The following NEK4 variants were observed in gnomAD, a reference collection of about 807,000 sequenced individuals.
NEK4 encodes NIMA related kinase 4.
Under a neutral mutation model 98.4 loss-of-function variants are expected in NEK4, and 86 were observed. That is an observed-to-expected ratio of 0.87 (90% CI 0.73 to 1.05). NEK4 has a LOEUF of 1.05. NEK4 is among the 50% of genes least tolerant of loss of function. NEK4 has a pLI of 0.00. For synonymous variants in NEK4, 328 were observed against 342.2 expected (o/e 0.96, Z 0.46); for missense variants, 898 against 950.3 (o/e 0.94, Z 0.72).
At chr3:52,754,767 G>C (rs1388637470) in intron 6 of NEK4, 2 of 366,486 alleles carry the variant, frequency 5.5e-6, no homozygotes, top group Admixed American at 7.3e-5. Context: ...CAATGGCAAT[G>C]GACAGCTTGA....
At chr3:52,716,496 CA>C (rs1367724812) in intron 15 of NEK4, among the ~76,000 whole-genome samples, 1 of 152,196 alleles carries the variant, frequency 6.6e-6, no homozygotes, top group Non-Finnish European at 1.5e-5. Flanking sequence ...GTTAACCAAT[CA>C]GCTTATTTTT....
chr3:52,756,319 G>A (rs990404672), intron 6 of NEK4, among the ~76,000 whole-genome samples: 8 of 152,284 alleles, frequency 5.3e-5, no homozygotes, highest in African/African-American at 1.9e-4. Context: ...AATAGAGATG[G>A]AGGACTCATG....
At chr3:52,723,637 G>C (rs72960237) in intron 15 of NEK4, among the ~76,000 whole-genome samples, 2 of 152,000 alleles carry the variant, frequency 1.3e-5, no homozygotes, top group Non-Finnish European at 2.9e-5. Flanking sequence ...CTTGAAGATA[G>C]GATAATTAAA....
intron 6 of NEK4, chr3:52,754,532 T>C (rs2097411305): frequency 7.5e-7 from 1 of 1,326,496 alleles, no homozygotes; most frequent in Non-Finnish European, 1.1e-6. Flanking sequence ...CAATTAGCTT[T>C]TCTCCATGGA....
At chr3:52,747,019 G>T in intron 8 of NEK4, 115 bp from the exon 9 acceptor site, 1 of 769,632 alleles carries the variant, frequency 1.3e-6, no homozygotes, top group Non-Finnish European at 2.1e-6. Flanking sequence ...ACTTTCCTCA[G>T]TTTTAAAAAC....
At chr3:52,764,096 C>T (rs1698459422) in intron 4 of NEK4, among the ~76,000 whole-genome samples, 1 of 151,448 alleles carries the variant, frequency 6.6e-6, no homozygotes, top group Admixed American at 6.6e-5. Context: ...ACCAGTCTGG[C>T]CAACATGGTG....
At chr3:52,733,266 G>T in intron 15 of NEK4, 1 of 312,908 alleles carries the variant, frequency 3.2e-6, no homozygotes, top group South Asian at 3.8e-5. Flanking sequence ...ATTCATACTG[G>T]ACAGAAGCCT....
chr3:52,746,675 T>C, intron 9 of NEK4, 59 bp downstream of exon 9: 2 of 1,486,584 alleles, frequency 1.3e-6, no homozygotes, highest in Non-Finnish European at 1.8e-6. Context: ...TGTTAATTGC[T>C]CTAAATAGAA....
intron 15 of NEK4, chr3:52,733,922 CACATAGGTCACAA>C: frequency 3.7e-6 from 1 of 271,578 alleles, no homozygotes; most frequent in South Asian, 4.1e-5. Context: ...TTGGAAGACT[CACATAGGTCACAA>C]ACGTTATAAA....
intron 15 of NEK4, among the ~76,000 whole-genome samples, chr3:52,734,049 T>A (rs1189914305): frequency 6.6e-6 from 1 of 152,028 alleles, no homozygotes; most frequent in Non-Finnish European, 1.5e-5. Flanking sequence ...ATAATATATA[T>A]AAAAATAATA....
At chr3:52,761,618 T>C (rs1695868063) in intron 5 of NEK4, among the ~76,000 whole-genome samples, 1 of 152,154 alleles carries the variant, frequency 6.6e-6, no homozygotes, top group Non-Finnish European at 1.5e-5. Flanking sequence ...GTTGGTTTCT[T>C]AGTTTTGACA....
intron 2 of NEK4, among the ~76,000 whole-genome samples, chr3:52,767,055 G>A (rs1197226803): frequency 2.0e-5 from 3 of 151,608 alleles, no homozygotes; most frequent in African/African-American, 7.3e-5. Context: ...AGGCCGAGGT[G>A]AGCGGATCAC....
intron 6 of NEK4, among the ~76,000 whole-genome samples, chr3:52,753,057 G>A (rs2097408401): frequency 6.6e-6 from 1 of 151,192 alleles, no homozygotes; most frequent in Non-Finnish European, 1.5e-5. Flanking sequence ...GGCCAAGTGT[G>A]GTGGCTCACA....
At chr3:52,719,150 T>TA (rs1270658883) in intron 15 of NEK4, among the ~76,000 whole-genome samples, 1 of 152,188 alleles carries the variant, frequency 6.6e-6, no homozygotes, top group African/African-American at 2.4e-5. Flanking sequence ...AGCTTTGGAA[T>TA]AAAAAGTCAC....
chr3:52,763,657 A>T, intron 4 of NEK4, 33 bp from the exon 5 acceptor site: 1 of 1,509,554 alleles, frequency 6.6e-7, no homozygotes, highest in Non-Finnish European at 9.0e-7. Context: ...AATTATGACT[A>T]ATGGTCTTGT....
chr3:52,727,134 C>G (rs1319196450), intron 15 of NEK4, among the ~76,000 whole-genome samples: 1 of 152,022 alleles, frequency 6.6e-6, no homozygotes, highest in Non-Finnish European at 1.5e-5. Context: ...ACCACCATGC[C>G]CAGCTAATTT....
chr3:52,763,298 G>A (rs1457254686), intron 5 of NEK4, among the ~76,000 whole-genome samples, 172 bp downstream of exon 5: 2 of 152,282 alleles, frequency 1.3e-5, no homozygotes, highest in Admixed American at 1.3e-4. Context: ...CTCAAGCTCA[G>A]CCAAGAAACC....
chr3:52,718,231 G>A (rs1407499573), intron 15 of NEK4, among the ~76,000 whole-genome samples: 1 of 151,934 alleles, frequency 6.6e-6, no homozygotes, highest in South Asian at 2.1e-4. Flanking sequence ...AGCACTCTCT[G>A]GGAGGCCGAG....
Position 52,746,097 on chromosome 3 carries a change from C to T in NEK4, c.1791G>A (p.Val597=), listed in dbSNP as rs2097395617. 1 of 1,614,060 alleles carries T rather than the reference C, an allele frequency of 6.2e-7. No homozygotes were observed. Among genetic ancestry groups the T allele is most frequent in the Non-Finnish European group, 8.5e-7 (1 of 1,180,030 alleles). Residue 597 remains valine (V), a synonymous_variant, in exon 10 of 16, where the codon GTG becomes GTA. Transcript: ENST00000233027. ...ENQRRVVTGS[V]SSSRSSEMSS... ...ACATCTCACTGCTCCTTGAACTGCT[C>T]ACAGACCCAGTGACCACTCTACGTT...
Sources: gnomAD v4.1 joint callset for allele counts (sites outside exome capture counted in the v4.1 genomes callset) on GRCh38, gnomAD v4.1.1 for gene constraint, MANE v1.5 for transcripts, NCBI Gene and HGNC (gene_info 2026-07-23, HGNC 2026-07-21) for gene names.